RSPH10B2: variants seen among roughly 807,000 people sequenced by gnomAD.
RSPH10B2 encodes radial spoke head 10 homolog B2 (Chlamydomonas).
Under a neutral mutation model 49.0 loss-of-function variants are expected in RSPH10B2, and 9 were observed. That is an observed-to-expected ratio of 0.18 (90% CI 0.11 to 0.32). The LOEUF (loss-of-function observed/expected upper bound fraction) is 0.32. Ranked by LOEUF, RSPH10B2 falls within the 10% of genes least tolerant of loss-of-function variation. The pLI is 1.00. For missense variants in RSPH10B2, 95 were observed against 589.9 expected (o/e 0.16, Z 8.69); for synonymous variants, 35 against 210.2 (o/e 0.17, Z 7.21).
chr7:6,783,859 G>C (rs1167600162), intron 13 of RSPH10B2, among the ~76,000 whole-genome samples: 3 of 129,826 alleles, frequency 2.3e-5, no homozygotes, highest in African/African-American at 8.8e-5. Flanking sequence ...TTATTATTTT[G>C]ACAGTCTTGC....
In RSPH10B2 at chr7:6,757,905, C is replaced by T. The variant is rs757172534; in HGVS notation, c.228C>T (p.Ser76=). 9 of 1,581,704 alleles carry T rather than the reference C, an allele frequency of 5.7e-6. 1 individual carries two copies. In the Admixed American group the frequency reaches 1.5e-4, roughly 27 times the overall value. The stretch of plus-strand genomic sequence containing the variant: ...AAGATGCCAGCCAATACGAAGAGTC[C>T]ATTCTGACCAAACTCATAGTGGAAA... Residue 76 remains serine, a synonymous_variant, in exon 1 of 19, where the codon TCC becomes TCT. Coordinates refer to ENST00000297186, the Ensembl canonical transcript of RSPH10B2.
chr7:6,783,186 A>G (rs1198481418), intron 13 of RSPH10B2, among the ~76,000 whole-genome samples: 2 of 111,916 alleles, frequency 1.8e-5, no homozygotes, highest in Non-Finnish European at 3.5e-5. Flanking sequence ...GTGCATGACC[A>G]TGCCAAGTTA....
intron 13 of RSPH10B2, among the ~76,000 whole-genome samples, chr7:6,782,605 AG>A (rs1332612916): frequency 8.3e-6 from 1 of 121,010 alleles, no homozygotes; most frequent in African/African-American, 3.2e-5. Context: ...ATAGCAATAA[AG>A]TCAACTGAAA....
chr7:6,793,739 G>T (rs1782442372), intron 17 of RSPH10B2, among the ~76,000 whole-genome samples: 2 of 144,714 alleles, frequency 1.4e-5, no homozygotes, highest in Non-Finnish European at 3.0e-5. Context: ...AGCTACTTGG[G>T]AGGCTGAGGT....
At position 6,770,599 on chromosome 7, in the gene RSPH10B2, G is replaced by T. The variant is rs571929746; in HGVS notation, c.958-948G>T. On this transcript the variant is annotated intron_variant, in intron 7 of 18. Coordinates refer to ENST00000297186, the Ensembl canonical transcript of RSPH10B2. ...GCACTCCAGCCTGAGTGACAGCGAG[G>T]CTCCACCTCAAAAAAAAAAAAAATT... Among the ~76,000 whole-genome samples, 654 of 111,754 alleles carry T rather than the reference G, an allele frequency of 5.9e-3. 6 individuals are homozygous for T. The highest frequency in any genetic ancestry group is 7.2e-3 in the Non-Finnish European group (354 of 49,060). The allele number at this position is 111,754 out of a possible 152,430, so 73.3% of individuals were successfully genotyped here. A position where few individuals can be genotyped will look rare whatever the true frequency, so the allele number is the denominator to read the frequency against.
rs1326881447 is a variant in RSPH10B2 at position 6,783,265 on chromosome 7, C to T, written c.1758+1789C>T. Among the ~76,000 whole-genome samples, 16 of 115,096 alleles carry T rather than the reference C, an allele frequency of 1.4e-4. 2 individuals are homozygous for T. Among genetic ancestry groups the T allele is most frequent in the East Asian group, 5.2e-4 (2 of 3,822 alleles). 75.5% of individuals were successfully genotyped at this position (115,096 alleles called of 152,430 possible). A position where few individuals can be genotyped will look rare whatever the true frequency, so the allele number is the denominator to read the frequency against. On this transcript the variant is annotated intron_variant, in intron 13 of 18. Transcript: ENST00000297186. Reference sequence around the variant, plus strand: ...AAGGATGATCTCAATCTCTTGACCTCGTGATCCGCCCGTGTCGGACTCCCA... The same window carrying T: ...AAGGATGATCTCAATCTCTTGACCTTGTGATCCGCCCGTGTCGGACTCCCA...
At chr7:6,782,162 C>T (rs1781964036) in intron 13 of RSPH10B2, among the ~76,000 whole-genome samples, 2 of 134,512 alleles carry the variant, frequency 1.5e-5, no homozygotes, top group Non-Finnish European at 3.1e-5. Context: ...GATCCACCCG[C>T]CTCAGCCTCC....
intron 4 of RSPH10B2, among the ~76,000 whole-genome samples, chr7:6,764,394 T>C (rs1359608730): frequency 2.0e-5 from 3 of 150,860 alleles, no homozygotes; most frequent in African/African-American, 7.3e-5. Context: ...GGAGTCTTGC[T>C]CTGTCGCCCA....
chr7:6,780,446 C>T lies in RSPH10B2; in HGVS notation c.1530-363C>T, dbSNP rs1342744732. 5.2e-5 allele frequency among the ~76,000 whole-genome samples: 6 copies of T among 116,044 alleles called. 1 individual carries two copies. The highest frequency in any genetic ancestry group is 2.8e-4 in the East Asian group (1 of 3,606). 76.1% of individuals were successfully genotyped at this position (116,044 alleles called of 152,430 possible). On this transcript the variant is annotated intron_variant, in intron 11 of 18. Coordinates refer to ENST00000297186, the Ensembl canonical transcript of RSPH10B2. ...TCACCCAGGCTGGAGTGCAGTGGCG[C>T]GATCTCGGCTCACTGCAACCTCCAC...
At chr7:6,755,839 A>G (rs1781038459), upstream of RSPH10B2, among the ~76,000 whole-genome samples, 1 of 120,128 alleles carries the variant, frequency 8.3e-6, no homozygotes, top group African/African-American at 3.9e-5. Context: ...AGGCTGAGGC[A>G]GGAGAATCAC....
At chr7:6,784,347 G>T (rs1366170427) in intron 13 of RSPH10B2, among the ~76,000 whole-genome samples, 1 of 10,148 alleles carries the variant, frequency 9.9e-5, no homozygotes, top group Non-Finnish European at 1.6e-4. Context: ...TGCAACCTCT[G>T]CCTCCTGGTT....
upstream of RSPH10B2, among the ~76,000 whole-genome samples, chr7:6,756,006 A>G (rs1781052120): frequency 1.4e-5 from 2 of 147,272 alleles, no homozygotes; most frequent in Admixed American, 6.8e-5. Context: ...CCGGTGACTC[A>G]CGCCTGTAAT....
chr7:6,783,575 C>G (rs1417332603), intron 13 of RSPH10B2, among the ~76,000 whole-genome samples: 4 of 129,412 alleles, frequency 3.1e-5, no homozygotes, highest in African/African-American at 1.2e-4. Flanking sequence ...CAGGTTCAAG[C>G]AATCCTCCCA....
rs200156889 is a variant in RSPH10B2 at position 6,798,448 on chromosome 7, G to A, written c.2518G>A (p.Val840Met). ...CACAGTGCTCAAGGAGCCGGCAGAC[G>A]TGTCATCCTCTCACCTCATACTGGA... The change falls in exon 19 of 19, where the codon GTG (valine) becomes ATG (methionine). Residue 840 changes from valine to methionine, a missense_variant. Val to Met is a conservative substitution (Grantham distance 21). Transcript: ENST00000297186. 7.7e-6 allele frequency: 9 copies of A among 1,164,044 alleles called. 4 individuals are homozygous for A. Among genetic ancestry groups the A allele is most frequent in the East Asian group, 7.6e-5 (2 of 26,470 alleles). 72.1% of individuals were successfully genotyped at this position (1,164,044 alleles called of 1,614,324 possible).
intron 9 of RSPH10B2, among the ~76,000 whole-genome samples, chr7:6,774,469 C>T (rs1583511211): frequency 1.1e-5 from 1 of 90,036 alleles, no homozygotes; most frequent in African/African-American, 4.8e-5. Flanking sequence ...TGAGCCACTG[C>T]ACCTGGCGGA....
intron 18 of RSPH10B2, 57 bp downstream of exon 20, chr7:6,796,823 C>T (rs537673107): frequency 0.015 from 18,112 of 1,172,874 alleles, 3,128 homozygotes; most frequent in South Asian, 0.027. Context: ...TCCTGTCTTC[C>T]GTAGCTGCCA....
upstream of RSPH10B2, among the ~76,000 whole-genome samples, chr7:6,755,987 C>T (rs1179088105): frequency 6.8e-6 from 1 of 146,902 alleles, no homozygotes; most frequent in Non-Finnish European, 1.5e-5. Context: ...CTGGGCCGGG[C>T]ACCCACACCC....
chr7:6,752,115 C>T (rs1187328279), upstream of RSPH10B2, among the ~76,000 whole-genome samples: 1 of 151,254 alleles, frequency 6.6e-6, no homozygotes, highest in Admixed American at 6.6e-5. Context: ...GATTCTCAGC[C>T]CTGATTCACA....
At chr7:6,797,308 T>C (rs1459466703) in intron 18 of RSPH10B2, among the ~76,000 whole-genome samples, 1 of 147,904 alleles carries the variant, frequency 6.8e-6, no homozygotes, top group Non-Finnish European at 1.5e-5. Context: ...TGCATGCAGC[T>C]ATTTTCTATT....
Sources: gnomAD v4.1 joint callset for allele counts (sites outside exome capture counted in the v4.1 genomes callset) on GRCh38, gnomAD v4.1.1 for gene constraint, MANE v1.5 for transcripts, NCBI Gene and HGNC (gene_info 2026-07-23, HGNC 2026-07-21) for gene names.